ATP9A: variants seen among roughly 807,000 people sequenced by gnomAD.
ATP9A encodes the protein ATPase phospholipid transporting 9A, also known as probable phospholipid-transporting ATPase IIA.
Under a neutral mutation model 144.1 loss-of-function variants are expected in ATP9A, and 52 were observed. The observed-to-expected ratio is 0.36, with a 90% CI of 0.29 to 0.45. The LOEUF (loss-of-function observed/expected upper bound fraction) is 0.45. Among genes scored for constraint, ATP9A ranks in the 20% least tolerant of loss-of-function variants. The probability of loss-of-function intolerance (pLI) is 1.00; values close to 1 mark genes in which losing one functional copy is unlikely to be tolerated. For synonymous variants in ATP9A, 582 were observed against 557.4 expected (o/e 1.04, Z -0.62); for missense variants, 947 against 1,392.7 (o/e 0.68, Z 5.09).
intron 18 of ATP9A, among the ~76,000 whole-genome samples, chr20:51,624,837 A>G (rs2077241211): frequency 6.6e-6 from 1 of 151,830 alleles, no homozygotes; most frequent in Non-Finnish European, 1.5e-5. Flanking sequence ...GAAACCCTCT[A>G]TCTACAAAAA....
intron 14 of ATP9A, among the ~76,000 whole-genome samples, chr20:51,645,105 C>T (rs1414442068): frequency 1.3e-5 from 2 of 152,212 alleles, no homozygotes; most frequent in Non-Finnish European, 2.9e-5. Context: ...TCAATTACAG[C>T]TGTATGTAAA....
intron 9 of ATP9A, among the ~76,000 whole-genome samples, chr20:51,680,174 G>A (rs2077494099): frequency 6.8e-6 from 1 of 147,802 alleles, no homozygotes; most frequent in Non-Finnish European, 1.5e-5. Flanking sequence ...AGGTTGCAGT[G>A]AGCCAAGATC....
intron 9 of ATP9A, among the ~76,000 whole-genome samples, chr20:51,676,453 G>A (rs139671088): frequency 1.2e-4 from 18 of 152,050 alleles, no homozygotes; most frequent in African/African-American, 3.4e-4. Context: ...GATTATAGGC[G>A]TGCACCACCA....
At position 51,674,142 on chromosome 20, in the gene ATP9A, C is replaced by T. The variant is rs1402974981; in HGVS notation, c.1037+11G>A. 4 of 1,612,724 alleles carry T rather than the reference C, an allele frequency of 2.5e-6. No individual in the cohort carries two copies. Among genetic ancestry groups the T allele is most frequent in the African/African-American group, 2.7e-5 (2 of 74,826 alleles). ...TCACGGCAGCCAAACTCAAGCTCGT[C>T]GCCTGCTTACCTAATGGGGATGATG... On this transcript the variant is annotated intron_variant, in intron 11 of 27. Coordinates refer to ENST00000338821, the MANE Select transcript of ATP9A (RefSeq NM_006045.3).
chr20:51,730,022 G>C, intron 1 of ATP9A, 44 bp from the exon 2 acceptor site: 1 of 1,455,180 alleles, frequency 6.9e-7, no homozygotes, highest in Non-Finnish European at 9.1e-7. Context: ...CCCACGCATC[G>C]AGGCTGTGCT....
intron 7 of ATP9A, among the ~76,000 whole-genome samples, chr20:51,691,286 T>C (rs1229491676): frequency 6.6e-6 from 1 of 152,116 alleles, no homozygotes; most frequent in Non-Finnish European, 1.5e-5. Flanking sequence ...GGCCAACATG[T>C]TGAAGCCCTG....
rs2077229169 is a variant in ATP9A, at chr20:51,622,075, A to C, written c.2114T>G (p.Leu705Arg). 6.2e-7 allele frequency: 1 copy of C among 1,613,970 alleles called. No homozygotes were observed. Among genetic ancestry groups the C allele is most frequent in the African/African-American group, 1.3e-5 (1 of 74,916 alleles). ...TRNQDIHVFR[L>R]VTNRGEAHLE... ...GCCCTAACGCAGAGGACACTTTACC[A>C]GCCGAAAAACGTGGATGTCTTGGTT... The change falls in exon 19 of 28, where the codon CTG becomes CGG. Residue 705 changes from leucine to arginine, a missense_variant and splice_region_variant. Physicochemically the swap from Leu to Arg is moderately radical, Grantham distance 102. Coordinates refer to ENST00000338821, the MANE Select transcript of ATP9A (RefSeq NM_006045.3).
intron 3 of ATP9A, among the ~76,000 whole-genome samples, chr20:51,723,414 T>TA (rs556869532): frequency 1.3e-5 from 2 of 149,082 alleles, no homozygotes; most frequent in African/African-American, 2.5e-5. Flanking sequence ...AAAAATGAAT[T>TA]AAAAAAAAAA....
chr20:51,645,823 A>C (rs1305275935), intron 14 of ATP9A, among the ~76,000 whole-genome samples: 1 of 152,174 alleles, frequency 6.6e-6, no homozygotes, highest in Non-Finnish European at 1.5e-5. Context: ...AAACAAAGTG[A>C]TATACAACAA....
At chr20:51,697,259 G>GTGTGTGTCTGTCTGTC (rs1555837926) in intron 5 of ATP9A, among the ~76,000 whole-genome samples, 165 bp downstream of exon 5, 1 of 151,958 alleles carries the variant, frequency 6.6e-6, no homozygotes, top group African/African-American at 2.4e-5. Flanking sequence ...GTCTGTGTGT[G>GTGTGTGTCTGTCTGTC]TGTGTGTCTG....
intron 3 of ATP9A, among the ~76,000 whole-genome samples, chr20:51,719,361 T>C (rs1159691972): frequency 1.3e-5 from 2 of 152,178 alleles, no homozygotes; most frequent in Admixed American, 1.3e-4. Context: ...GAGTTGTTGA[T>C]GTTTAAAAAT....
intron 18 of ATP9A, among the ~76,000 whole-genome samples, chr20:51,622,732 A>T (rs1415189323): frequency 7.2e-5 from 11 of 152,146 alleles, no homozygotes; most frequent in Admixed American, 1.3e-4. Flanking sequence ...ACTTGCCCCA[A>T]ACCACACAGC....
intron 5 of ATP9A, 54 bp downstream of exon 5, chr20:51,697,370 C>A: frequency 6.6e-7 from 1 of 1,516,836 alleles, no homozygotes; most frequent in Non-Finnish European, 9.0e-7. Context: ...ACACAAATGA[C>A]ACATTAGGAC....
chr20:51,634,078 T>A (rs2077281007), intron 15 of ATP9A, among the ~76,000 whole-genome samples: 1 of 152,138 alleles, frequency 6.6e-6, no homozygotes, highest in Admixed American at 6.5e-5. Context: ...TCACAGACTC[T>A]AAGCACAGAG....
rs778294671 is a variant in ATP9A at position 51,652,722 on chromosome 20, G to C, written c.1506+4216C>G. On this transcript the variant is annotated intron_variant, in intron 14 of 27. Coordinates refer to ENST00000338821, the MANE Select transcript of ATP9A (RefSeq NM_006045.3). ...GACTATACCTTTAGTAAGATTATGG[G>C]CTACTTTTTACTTTTCTGATCAATG... Among the ~76,000 whole-genome samples the C allele has an allele frequency of 2.6e-5, 4 of 152,094 alleles. No homozygotes were observed. In the East Asian group the frequency reaches 7.7e-4, roughly 29 times the overall value.
chr20:51,767,675 G>C (rs8114323), intron 1 of ATP9A, among the ~76,000 whole-genome samples: 7,549 of 152,248 alleles, frequency 0.05, 209 homozygotes, highest in Non-Finnish European at 0.064. Flanking sequence ...GAGAACACAA[G>C]GGGTAGTGTC....
intron 1 of ATP9A, among the ~76,000 whole-genome samples, chr20:51,755,901 G>A (rs1445535697): frequency 6.6e-6 from 1 of 151,992 alleles, no homozygotes; most frequent in African/African-American, 2.4e-5. Context: ...CTTGCAGTGA[G>A]CCGAGATCGT....
At chr20:51,726,029 T>C (rs1189475701) in intron 2 of ATP9A, 97 bp from the exon 3 acceptor site, 2 of 779,630 alleles carry the variant, frequency 2.6e-6, no homozygotes, top group Non-Finnish European at 2.2e-6. Context: ...AAAACATTCC[T>C]GCAGCCAGGC....
At chr20:51,620,301 T>C (rs963312820) in intron 19 of ATP9A, among the ~76,000 whole-genome samples, 1 of 152,190 alleles carries the variant, frequency 6.6e-6, no homozygotes, top group African/African-American at 2.4e-5. Context: ...CATAGGTCAT[T>C]AGTTTGCAAT....
Sources: gnomAD v4.1 joint callset for allele counts (sites outside exome capture counted in the v4.1 genomes callset) on GRCh38, gnomAD v4.1.1 for gene constraint, MANE v1.5 for transcripts, NCBI Gene and HGNC (gene_info 2026-07-23, HGNC 2026-07-21) for gene names.